The following TCEA3 variants were observed in gnomAD, a reference collection of about 807,000 sequenced individuals.
TCEA3 encodes the protein transcription elongation factor A protein 3.
TCEA3 carries 36 observed loss-of-function variants against 44.0 expected under a neutral mutation model. That is an observed-to-expected ratio of 0.82 (90% CI 0.63 to 1.08). The LOEUF (loss-of-function observed/expected upper bound fraction) is 1.08, where lower values mean the gene tolerates loss of function less well. Among genes scored for constraint, TCEA3 ranks in the 50% least tolerant of loss-of-function variants. TCEA3 has a pLI of 0.00. For synonymous variants in TCEA3, 162 were observed against 159.7 expected, an observed-to-expected ratio of 1.01 and a Z score of -0.11; for missense variants, 392 against 441.2, an observed-to-expected ratio of 0.89 and a Z score of 1.00.
intron 8 of TCEA3, among the ~76,000 whole-genome samples, chr1:23,393,433 C>A (rs1639121121): frequency 6.6e-6 from 1 of 151,784 alleles, no homozygotes; most frequent in Non-Finnish European, 1.5e-5. Context: ...CCACATATAC[C>A]CTCTACACAC....
chr1:23,398,044 C>T (rs1639275111), intron 5 of TCEA3, 89 bp from the exon 6 acceptor site: 1 of 1,464,826 alleles, frequency 6.8e-7, no homozygotes, highest in South Asian at 1.2e-5. Flanking sequence ...TGGATGATCT[C>T]CTATAATCCT....
At chr1:23,391,936 AC>A (rs1274016159) in intron 8 of TCEA3, among the ~76,000 whole-genome samples, 1 of 152,102 alleles carries the variant, frequency 6.6e-6, no homozygotes, top group Non-Finnish European at 1.5e-5. Flanking sequence ...AAACAAGCAA[AC>A]AAAAAAAAAG....
intron 5 of TCEA3, chr1:23,404,069 C>T (rs1314024481): frequency 8.6e-6 from 6 of 699,888 alleles, no homozygotes; most frequent in African/African-American, 1.7e-5. Context: ...ATCCTCCTGC[C>T]CCAGGTCTGA....
intron 4 of TCEA3, chr1:23,411,067 T>C: frequency 5.0e-6 from 1 of 199,270 alleles, no homozygotes; most frequent in Non-Finnish European, 1.1e-5. Context: ...GTGATGTCTG[T>C]CAAGATGACA....
intron 5 of TCEA3, among the ~76,000 whole-genome samples, chr1:23,408,225 G>A (rs1639604395): frequency 6.6e-6 from 1 of 152,156 alleles, no homozygotes; most frequent in Admixed American, 6.5e-5. Flanking sequence ...GCCTTCCAAA[G>A]TGCTGGGATT....
Position 23,397,540 on chromosome 1 carries a change from G to T in TCEA3, c.664+5C>A, listed in dbSNP as rs1639252744. 1 of 1,613,648 alleles carries T rather than the reference G, an allele frequency of 6.2e-7. No homozygotes were observed. Among genetic ancestry groups the T allele is most frequent in the East Asian group, 2.2e-5 (1 of 44,884 alleles). On this transcript the variant is annotated splice_donor_5th_base_variant and intron_variant, in intron 7 of 10. Coordinates refer to ENST00000450454, the MANE Select transcript of TCEA3 (RefSeq NM_003196.3). ...ACCCACAGCCCCGGCACAGTTCAAG[G>T]ATATGATCTTCGATTTCTGATGCCA...
chr1:23,409,283 A>C (rs1212964710), intron 4 of TCEA3, among the ~76,000 whole-genome samples: 1 of 152,238 alleles, frequency 6.6e-6, no homozygotes, highest in East Asian at 1.9e-4. Context: ...AAACCAATGC[A>C]TAGGAGGAAA....
At chr1:23,411,187 C>G (rs1052829539) in intron 4 of TCEA3, 16 of 152,424 alleles carry the variant, frequency 1.0e-4, no homozygotes, top group Admixed American at 8.5e-4. Flanking sequence ...GATGGAGTCT[C>G]AATCTGTCAC....
intron 5 of TCEA3, chr1:23,403,805 A>G: frequency 2.4e-6 from 1 of 416,632 alleles, no homozygotes; most frequent in African/African-American, 2.0e-5. Flanking sequence ...GGCTGTTTGG[A>G]GCATTTCTTC....
chr1:23,389,032 T>C (rs1638939183), intron 8 of TCEA3, among the ~76,000 whole-genome samples: 1 of 152,184 alleles, frequency 6.6e-6, no homozygotes, highest in Non-Finnish European at 1.5e-5. Context: ...TACGTATTAA[T>C]GTTTAAGTCC....
chr1:23,387,137 G>C (rs1638868980), intron 9 of TCEA3, 136 bp downstream of exon 9: 8 of 1,174,790 alleles, frequency 6.8e-6, no homozygotes, highest in Non-Finnish European at 8.1e-6. Context: ...ACAGACATGA[G>C]CCACCGCACC....
intron 5 of TCEA3, among the ~76,000 whole-genome samples, chr1:23,408,305 G>A (rs1201305683): frequency 1.3e-5 from 2 of 152,138 alleles, no homozygotes; most frequent in East Asian, 1.9e-4. Flanking sequence ...GGGTTCAATC[G>A]GACCTTGAGA....
chr1:23,401,768 C>A (rs1463065039), intron 5 of TCEA3, among the ~76,000 whole-genome samples: 10 of 152,178 alleles, frequency 6.6e-5, no homozygotes, highest in Admixed American at 2.6e-4. Flanking sequence ...GGGGTTCCCA[C>A]CCCCTGGGGC....
intron 5 of TCEA3, among the ~76,000 whole-genome samples, chr1:23,407,339 G>A (rs1356455285): frequency 1.3e-5 from 2 of 152,124 alleles, no homozygotes; most frequent in African/African-American, 4.8e-5. Context: ...GGCTGGTGTT[G>A]CTGTTCCTTC....
chr1:23,402,868 A>G (rs1639439659), intron 5 of TCEA3, among the ~76,000 whole-genome samples: 1 of 152,220 alleles, frequency 6.6e-6, no homozygotes, highest in South Asian at 2.1e-4. Flanking sequence ...GAATGAATAC[A>G]TGATGAATTG....
chr1:23,401,539 G>A (rs1047215974), intron 5 of TCEA3, among the ~76,000 whole-genome samples: 5 of 152,090 alleles, frequency 3.3e-5, no homozygotes, highest in African/African-American at 7.2e-5. Context: ...TGGACAGGGC[G>A]TGAACTCGCG....
intron 2 of TCEA3, 71 bp from the exon 3 acceptor site, chr1:23,418,080 C>T (rs910472553): frequency 1.4e-6 from 2 of 1,456,664 alleles, no homozygotes; most frequent in Non-Finnish European, 1.9e-6. Context: ...ATTGGCAGAT[C>T]CTGCCCCAGC....
chr1:23,418,194 A>G, intron 2 of TCEA3, 185 bp from the exon 3 acceptor site: 1 of 604,830 alleles, frequency 1.7e-6, no homozygotes, highest in Non-Finnish European at 2.9e-6. Flanking sequence ...GCTCTGCACG[A>G]GGCCGAGGGC....
chr1:23,409,455 T>C (rs1024722343), intron 4 of TCEA3, among the ~76,000 whole-genome samples: 2 of 152,226 alleles, frequency 1.3e-5, no homozygotes, highest in Non-Finnish European at 2.9e-5. Flanking sequence ...AAAATCAATC[T>C]GTTTGTTAAT....
Sources: allele counts gnomAD v4.1 joint callset (sites outside exome capture counted in the v4.1 genomes callset), GRCh38; gene constraint gnomAD v4.1.1; transcripts MANE v1.5; gene names NCBI Gene and HGNC (gene_info 2026-07-23, HGNC 2026-07-21).